Variants in KIAA0586 observed in about 807,000 individuals in gnomAD.
KIAA0586 encodes KIAA0586.
KIAA0586 carries 144 observed loss-of-function variants against 169.8 expected under a neutral mutation model. The ratio of observed to expected loss-of-function variants is 0.85; its 90% CI spans 0.74 to 0.97. The LOEUF (loss-of-function observed/expected upper bound fraction) is 0.97. Among genes scored for constraint, KIAA0586 ranks in the 50% least tolerant of loss-of-function variants. The pLI is 0.00. For missense variants in KIAA0586, 1,854 were observed against 1,823.0 expected (o/e 1.02, Z -0.31); for synonymous variants, 625 against 612.4 (o/e 1.02, Z -0.30).
In KIAA0586 at chr14:58,461,157, A is replaced by G; in HGVS notation, c.2056A>G (p.Lys686Glu). Residue 686 changes from lysine to glutamate, a missense_variant, in exon 14 of 31, where the codon AAA becomes GAA. Physicochemically the swap from Lys to Glu is moderately conservative, Grantham distance 56 (BLOSUM62 1). Transcript: ENST00000652326. The part of the protein sequence containing the change: ...PQRPKVIERV[K>E]GTKVKSIRTQ... ...GAGACCAAAAGTAATAGAACGAGTTAAAGGTAAGGAATCTCATTTTTAATG... is the reference window on the plus strand; with the variant it reads ...GAGACCAAAAGTAATAGAACGAGTTGAAGGTAAGGAATCTCATTTTTAATG... 6.4e-7 allele frequency: 1 copy of G among 1,556,506 alleles called. No individual in the cohort carries two copies. The highest frequency in any genetic ancestry group is 8.7e-7 in the Non-Finnish European group (1 of 1,155,384).
At chr14:58,536,950 C>T in intron 29 of KIAA0586, 1 of 1,071,804 alleles carries the variant, frequency 9.3e-7, no homozygotes, top group Non-Finnish European at 1.2e-6. Context: ...TCAAATAATT[C>T]CAAAATTTTC....
At chr14:58,427,436 A>G, upstream of KIAA0586, 2 of 674,514 alleles carry the variant, frequency 3.0e-6, no homozygotes, top group East Asian at 5.6e-5. Flanking sequence ...AGCAGTGTCA[A>G]CAGTCCCTGG....
At chr14:58,463,987 G>A (rs553299823) in intron 14 of KIAA0586, 10 of 454,820 alleles carry the variant, frequency 2.2e-5, no homozygotes, top group African/African-American at 1.4e-4. Flanking sequence ...CCTCGGTGGT[G>A]TAGACACCCC....
intron 22 of KIAA0586, 64 bp downstream of exon 22, chr14:58,487,230 T>C: frequency 2.2e-6 from 3 of 1,347,598 alleles, no homozygotes; most frequent in Non-Finnish European, 3.1e-6. Context: ...ATGATTTGTA[T>C]ATGTACTTGT....
In KIAA0586 at chr14:58,551,296, T is replaced by A. The variant is rs545783164; in HGVS notation, c.*3364T>A. 1 of 152,352 alleles carries A rather than the reference T, an allele frequency of 6.6e-6. No homozygotes were observed. The highest frequency in any genetic ancestry group is 2.4e-5 in the African/African-American group (1 of 41,582). The allele number at this position is 152,352 out of a possible 1,614,324, so 9.4% of individuals were successfully genotyped here. The stretch of plus-strand genomic sequence containing the variant: ...ATAAATATTTTTATTCTTAGAAGAT[T>A]ATTTCAATATGTTTCTTATTGCTTA... On this transcript the variant is annotated 3_prime_UTR_variant, in exon 31 of 31. Coordinates refer to ENST00000652326, the MANE Select transcript of KIAA0586 (RefSeq NM_001329943.3).
rs973122440 is a variant in KIAA0586, at chr14:58,549,704, C to T, written c.*1772C>T. On this transcript the variant is annotated 3_prime_UTR_variant, in exon 31 of 31. Coordinates refer to ENST00000652326, the MANE Select transcript of KIAA0586 (RefSeq NM_001329943.3). ...TTGTTTTTGATATTCATCTACAAGA[C>T]TCTGGGCAAGGTGAAAGCTGGAGAA... 2 of 152,226 alleles carry T rather than the reference C, an allele frequency of 1.3e-5. No individual in the cohort carries two copies. The highest frequency in any genetic ancestry group is 4.8e-5 in the African/African-American group (2 of 41,440). 9.4% of individuals were successfully genotyped at this position (152,226 alleles called of 1,614,324 possible).
At chr14:58,504,846 A>G (rs1278520538) in intron 27 of KIAA0586, among the ~76,000 whole-genome samples, 1 of 152,114 alleles carries the variant, frequency 6.6e-6, no homozygotes, top group East Asian at 1.9e-4. Flanking sequence ...TACTCTCTAT[A>G]ATTCTCTAAT....
chr14:58,494,712 A>G (rs2043051042), intron 26 of KIAA0586, among the ~76,000 whole-genome samples: 1 of 151,828 alleles, frequency 6.6e-6, no homozygotes, highest in African/African-American at 2.4e-5. Flanking sequence ...TTGCTTTGGG[A>G]GGGTTTGTAA....
chr14:58,543,928 G>A, intron 30 of KIAA0586: 1 of 455,834 alleles, frequency 2.2e-6, no homozygotes, highest in South Asian at 1.6e-5. Context: ...GGTAAACTCG[G>A]GCTGTGGAGG....
intron 26 of KIAA0586, among the ~76,000 whole-genome samples, chr14:58,494,145 C>T (rs2043001776): frequency 6.6e-6 from 1 of 150,800 alleles, no homozygotes; most frequent in South Asian, 2.1e-4. Context: ...CTCTCTAGAA[C>T]TCTTATTTCC....
intron 26 of KIAA0586, among the ~76,000 whole-genome samples, chr14:58,496,600 A>G (rs1052454526): frequency 2.6e-5 from 4 of 152,208 alleles, no homozygotes; most frequent in African/African-American, 4.8e-5. Flanking sequence ...GGCTAAGGGA[A>G]TAAGGAGAGA....
chr14:58,532,387 C>T (rs762381700), intron 29 of KIAA0586, among the ~76,000 whole-genome samples: 18 of 152,114 alleles, frequency 1.2e-4, no homozygotes, highest in Non-Finnish European at 2.2e-4. Flanking sequence ...TGTGTTCAGC[C>T]TCAGCTTTTA....
intron 6 of KIAA0586, among the ~76,000 whole-genome samples, chr14:58,445,848 T>G (rs1304349620): frequency 6.7e-6 from 1 of 148,832 alleles, no homozygotes; most frequent in African/African-American, 2.5e-5. Context: ...TGGTTTTAAT[T>G]TCCTTTTTTT....
At chr14:58,522,262 A>G (rs2045281134) in intron 29 of KIAA0586, among the ~76,000 whole-genome samples, 1 of 152,200 alleles carries the variant, frequency 6.6e-6, no homozygotes, top group Admixed American at 6.5e-5. Flanking sequence ...TAAAAAGGAT[A>G]TGTGGTTTTT....
Position 58,436,348 on chromosome 14 carries a change from C to T in KIAA0586, c.410+3891C>T, listed in dbSNP as rs570744698. Reference sequence around the variant, plus strand: ...ATAACAATTACCATAGCAATGTCCCCACCGAAAAAAAAAAAGTTGGGAATA... The same window carrying T: ...ATAACAATTACCATAGCAATGTCCCTACCGAAAAAAAAAAAGTTGGGAATA... On this transcript the variant is annotated intron_variant, in intron 4 of 30. Transcript: ENST00000652326. 4.6e-4 allele frequency among the ~76,000 whole-genome samples: 70 copies of T among 150,642 alleles called. 1 individual carries two copies. The highest frequency in any genetic ancestry group is 1.3e-4 in the Admixed American group (2 of 15,178).
chr14:58,524,755 A>G (rs1398633189), intron 29 of KIAA0586, among the ~76,000 whole-genome samples: 1 of 152,234 alleles, frequency 6.6e-6, no homozygotes, highest in African/African-American at 2.4e-5. Context: ...AGAACCTGAC[A>G]TATATTAAGA....
chr14:58,440,533 T>G (rs1365825169), intron 4 of KIAA0586, among the ~76,000 whole-genome samples: 3 of 152,216 alleles, frequency 2.0e-5, no homozygotes, highest in African/African-American at 7.2e-5. Context: ...GGGTTCACCA[T>G]GTTGGTCAGG....
chr14:58,526,903 C>A (rs1333676337), intron 29 of KIAA0586, among the ~76,000 whole-genome samples: 1 of 152,102 alleles, frequency 6.6e-6, no homozygotes, highest in Non-Finnish European at 1.5e-5. Context: ...ATCAGAATCA[C>A]ATTTTCCCCT....
upstream of KIAA0586, chr14:58,427,687 G>T (rs889075338): frequency 6.5e-6 from 10 of 1,535,450 alleles, no homozygotes; most frequent in Admixed American, 1.8e-4. Context: ...CGGGTTTGAA[G>T]GGAAGTGGGT....
Sources: allele counts gnomAD v4.1 joint callset (sites outside exome capture counted in the v4.1 genomes callset), GRCh38; gene constraint gnomAD v4.1.1; transcripts MANE v1.5; gene names NCBI Gene and HGNC (gene_info 2026-07-23, HGNC 2026-07-21).